Variants in ACYP2 observed in about 807,000 individuals in gnomAD.
ACYP2 encodes acylphosphatase-2.
A neutral mutation model predicts 11.2 loss-of-function variants in ACYP2; 12 were observed. The observed-to-expected ratio is 1.08, with a 90% CI of 0.69 to 1.74. The LOEUF is 1.74. Ranked by LOEUF, ACYP2 falls within the 40% of genes most tolerant of loss-of-function variation. The probability of loss-of-function intolerance (pLI) is 0.00; values close to 1 mark genes in which losing one functional copy is unlikely to be tolerated. For synonymous variants in ACYP2, 43 were observed against 32.2 expected (o/e 1.33, Z -1.13); for missense variants, 134 against 101.9 (o/e 1.31, Z -1.35).
At chr2:54,118,419 G>A (rs942042973) in intron 4 of ACYP2, among the ~76,000 whole-genome samples, 12 of 152,158 alleles carry the variant, frequency 7.9e-5, no homozygotes, top group African/African-American at 2.9e-4. Context: ...TTTCACTGTT[G>A]TTTACTTAAT....
chr2:54,093,503 G>A (rs963246975), intron 4 of ACYP2, among the ~76,000 whole-genome samples: 1 of 152,250 alleles, frequency 6.6e-6, no homozygotes. Flanking sequence ...GAGGTAGTGA[G>A]TGAGGCAGAG....
intron 4 of ACYP2, among the ~76,000 whole-genome samples, chr2:54,061,053 C>G (rs1243421640): frequency 6.6e-6 from 1 of 152,050 alleles, no homozygotes; most frequent in Admixed American, 6.6e-5. Flanking sequence ...CATGGTCTCC[C>G]TATATTACCC....
At chr2:54,158,563 C>G (rs1226271050) in intron 6 of ACYP2, among the ~76,000 whole-genome samples, 1 of 152,112 alleles carries the variant, frequency 6.6e-6, no homozygotes, top group Non-Finnish European at 1.5e-5. Flanking sequence ...AATACTGTGC[C>G]TTATTTCCCT....
rs145112853 is a variant in ACYP2 at position 53,975,179 on chromosome 2, C to G, written c.62+1369C>G. Reference sequence around the variant, plus strand: ...GGCAGAGGTTGCAGTGAGCTGAGATCACACCACTGCATTCCAACCTGGCGA... The same window carrying G: ...GGCAGAGGTTGCAGTGAGCTGAGATGACACCACTGCATTCCAACCTGGCGA... On this transcript the variant is annotated intron_variant, in intron 2 of 6. Coordinates refer to ENST00000607452, the MANE Select transcript of ACYP2 (RefSeq NM_001320586.2). 8.2e-3 allele frequency: 3,169 copies of G among 387,616 alleles called. 22 individuals are homozygous for G. Among genetic ancestry groups the G allele is most frequent in the Non-Finnish European group, 0.011 (2,449 of 221,146 alleles). 24.0% of individuals were successfully genotyped at this position (387,616 alleles called of 1,614,324 possible). A position where few individuals can be genotyped will look rare whatever the true frequency, so the allele number is the denominator to read the frequency against.
chr2:54,259,715 A>T (rs1440890122), intron 6 of ACYP2, among the ~76,000 whole-genome samples: 1 of 103,006 alleles, frequency 9.7e-6, no homozygotes, highest in African/African-American at 4.8e-5. Flanking sequence ...GAATATTGAC[A>T]ATTCTTTTGA....
chr2:54,255,185 A>C, intron 6 of ACYP2: 1 of 1,614,184 alleles, frequency 6.2e-7, no homozygotes, highest in Non-Finnish European at 8.5e-7. Context: ...GTGGAAAAAG[A>C]CACCACTTGG....
intron 6 of ACYP2, among the ~76,000 whole-genome samples, chr2:54,239,058 T>A (rs1356089698): frequency 6.6e-6 from 1 of 152,100 alleles, no homozygotes; most frequent in Non-Finnish European, 1.5e-5. Flanking sequence ...AAATCATAAA[T>A]CCACTTATAA....
chr2:54,048,096 T>A (rs1397340695), intron 2 of ACYP2, among the ~76,000 whole-genome samples: 1 of 152,206 alleles, frequency 6.6e-6, no homozygotes. Context: ...CATTTAGAGA[T>A]GATTTTTCCT....
intron 6 of ACYP2, among the ~76,000 whole-genome samples, chr2:54,219,907 T>A (rs13004174): frequency 2.1e-3 from 195 of 92,008 alleles, no homozygotes; most frequent in South Asian, 5.8e-3. Flanking sequence ...ATATATATAT[T>A]TTTTTTTTTT....
intron 6 of ACYP2, chr2:54,253,705 A>T (rs916213248): frequency 6.6e-6 from 1 of 152,270 alleles, no homozygotes; most frequent in African/African-American, 2.4e-5. Flanking sequence ...CACCCATCAC[A>T]ATCTCTTTAG....
chr2:54,246,199 C>G (rs1196635680), intron 6 of ACYP2, among the ~76,000 whole-genome samples: 1 of 152,150 alleles, frequency 6.6e-6, no homozygotes, highest in African/African-American at 2.4e-5. Flanking sequence ...GTTCTCTATT[C>G]TGTTCTACTG....
In ACYP2 at chr2:54,100,214, A is replaced by G. The variant is rs899929472; in HGVS notation, c.278-35239A>G. ...TTAGTTCACTGTATAGCCAAAAACT[A>G]CTCTTTTCTTTCCACTTTGTAGGGT... On this transcript the variant is annotated intron_variant, in intron 4 of 6. Coordinates refer to ENST00000607452, the MANE Select transcript of ACYP2 (RefSeq NM_001320586.2). Among the ~76,000 whole-genome samples the G allele has an allele frequency of 4.0e-5, 6 of 150,422 alleles. No homozygotes were observed. In the South Asian group the frequency reaches 8.4e-4, roughly 21 times the overall value.
chr2:54,154,888 T>C (rs1558574286), intron 6 of ACYP2, among the ~76,000 whole-genome samples: 1 of 152,208 alleles, frequency 6.6e-6, no homozygotes, highest in Non-Finnish European at 1.5e-5. Flanking sequence ...CAGTAACACT[T>C]CCAGTCTTGG....
At chr2:54,041,497 AGT>A (rs1675226645) in intron 2 of ACYP2, among the ~76,000 whole-genome samples, 1 of 152,218 alleles carries the variant, frequency 6.6e-6, no homozygotes, top group South Asian at 2.1e-4. Context: ...AGGGAAATTC[AGT>A]GTGGTTGTTA....
At chr2:54,289,072 A>C (rs1689197410) in intron 6 of ACYP2, among the ~76,000 whole-genome samples, 1 of 152,074 alleles carries the variant, frequency 6.6e-6, no homozygotes, top group South Asian at 2.1e-4. Context: ...AGGGAGGTGT[A>C]ATATAATGAA....
Position 54,304,942 on chromosome 2 carries a change from ATGTC to A in ACYP2, c.*143_*146del. The A allele has an allele frequency of 2.4e-6, 1 of 423,552 alleles. No homozygotes were observed. The highest frequency in any genetic ancestry group is 4.1e-6 in the Non-Finnish European group (1 of 242,602). The allele number at this position is 423,552 out of a possible 1,614,324, so 26.2% of individuals were successfully genotyped here. ...TAAGCGACTGTACGTGCTACTAAAA[ATGTC>A]TGACACTGAAATAATTTTACTCAAC... On this transcript the variant is annotated 3_prime_UTR_variant, in exon 7 of 7. Transcript: ENST00000607452.
chr2:54,293,626 A>G (rs1488243825), intron 6 of ACYP2, among the ~76,000 whole-genome samples: 1 of 152,260 alleles, frequency 6.6e-6, no homozygotes, highest in Non-Finnish European at 1.5e-5. Context: ...GCAGGAAACA[A>G]TTACACTGTA....
At chr2:54,194,835 C>T (rs1400441337) in intron 6 of ACYP2, among the ~76,000 whole-genome samples, 1 of 152,068 alleles carries the variant, frequency 6.6e-6, no homozygotes, top group East Asian at 1.9e-4. Flanking sequence ...TCTTACAATG[C>T]TATCCACATA....
intron 4 of ACYP2, among the ~76,000 whole-genome samples, chr2:54,071,747 A>G (rs1486031245): frequency 6.6e-6 from 1 of 152,202 alleles, no homozygotes; most frequent in Non-Finnish European, 1.5e-5. Context: ...GTGGTGGCTC[A>G]TGCCTGTAAT....
Sources: gnomAD v4.1 joint callset for allele counts (sites outside exome capture counted in the v4.1 genomes callset) on GRCh38, gnomAD v4.1.1 for gene constraint, MANE v1.5 for transcripts, NCBI Gene and HGNC (gene_info 2026-07-23, HGNC 2026-07-21) for gene names.